NME7: variants seen among roughly 807,000 people sequenced by gnomAD.
The protein encoded by NME7 is nucleoside diphosphate kinase 7.
In NME7, 41 loss-of-function variants were observed where a neutral mutation model predicts 49.1. That is an observed-to-expected ratio of 0.83 (90% CI 0.65 to 1.08). NME7 has a LOEUF of 1.08. Ranked by LOEUF, NME7 falls within the 50% of genes least tolerant of loss-of-function variation. The probability of loss-of-function intolerance (pLI) is 0.00; values close to 1 mark genes in which losing one functional copy is unlikely to be tolerated. For missense variants in NME7, 423 were observed against 463.4 expected, an observed-to-expected ratio of 0.91 and a Z score of 0.80; for synonymous variants, 139 against 150.6, an observed-to-expected ratio of 0.92 and a Z score of 0.56.
chr1:169,339,514 AATG>A (rs1273411378), intron 1 of NME7, among the ~76,000 whole-genome samples: 22 of 152,360 alleles, frequency 1.4e-4, no homozygotes, highest in African/African-American at 5.3e-4. Context: ...CTAGAAATCA[AATG>A]ATAACACAGA....
chr1:169,355,254 T>G (rs568261338), intron 1 of NME7, among the ~76,000 whole-genome samples: 6 of 21,352 alleles, frequency 2.8e-4, no homozygotes, highest in African/African-American at 5.7e-4. Flanking sequence ...ATATATTATA[T>G]CTATATATAA....
At chr1:169,319,887 G>A (rs893612693) in intron 3 of NME7, among the ~76,000 whole-genome samples, 1 of 152,116 alleles carries the variant, frequency 6.6e-6, no homozygotes, top group African/African-American at 2.4e-5. Flanking sequence ...TAAATATGTG[G>A]CTCAGTACTT....
intron 6 of NME7, among the ~76,000 whole-genome samples, chr1:169,294,097 A>G (rs972124120): frequency 2.0e-5 from 3 of 152,176 alleles, no homozygotes; most frequent in African/African-American, 7.2e-5. Context: ...ATTAATAATA[A>G]AAGATAACAT....
chr1:169,142,626 T>C (rs1658628958), intron 11 of NME7, among the ~76,000 whole-genome samples: 1 of 152,244 alleles, frequency 6.6e-6, no homozygotes, highest in Admixed American at 6.5e-5. Context: ...AGTAATGTTC[T>C]ATACACTAAG....
At chr1:169,311,551 T>A (rs1651392043) in intron 3 of NME7, among the ~76,000 whole-genome samples, 1 of 152,194 alleles carries the variant, frequency 6.6e-6, no homozygotes, top group African/African-American at 2.4e-5. Flanking sequence ...CAGATAATGT[T>A]TTTCTTTATT....
chr1:169,204,334 C>A (rs1260469576), intron 10 of NME7, among the ~76,000 whole-genome samples: 1 of 151,492 alleles, frequency 6.6e-6, no homozygotes, highest in Non-Finnish European at 1.5e-5. Flanking sequence ...TTACTTTGAT[C>A]ACATGACAGT....
intron 10 of NME7, among the ~76,000 whole-genome samples, chr1:169,173,076 T>A (rs1343519110): frequency 6.6e-6 from 1 of 152,206 alleles, no homozygotes; most frequent in East Asian, 1.9e-4. Context: ...GGGTGGGGGC[T>A]GTGGAAAAAG....
chr1:169,367,625 T>C (rs1362671801), intron 1 of NME7, 83 bp downstream of exon 1: 4 of 1,537,834 alleles, frequency 2.6e-6, no homozygotes, highest in African/African-American at 2.7e-5. Context: ...CCGGACAACT[T>C]TAAGTGCCCA....
chr1:169,345,668 AAT>A (rs1369762833), intron 1 of NME7, among the ~76,000 whole-genome samples: 1 of 152,132 alleles, frequency 6.6e-6, no homozygotes, highest in Admixed American at 6.5e-5. Flanking sequence ...TTGGACCCTT[AAT>A]CTTTAGCTAC....
rs1046337361 is a variant in NME7, at chr1:169,262,332, T to C, written c.755-24645A>G. Among the ~76,000 whole-genome samples the C allele has an allele frequency of 2.2e-5, 3 of 134,576 alleles. 1 individual carries two copies. Among genetic ancestry groups the C allele is most frequent in the Non-Finnish European group, 5.2e-5 (3 of 57,168 alleles). The allele number at this position is 134,576 out of a possible 152,430, so 88.3% of individuals were successfully genotyped here. On this transcript the variant is annotated intron_variant, in intron 7 of 11. Transcript: ENST00000367811. ...TCAAGCAAGGCATAGCACAGAAGAA[T>C]CATCAATTGATAACCCACAGAATTG... is the stretch of plus-strand genomic sequence containing the variant.
At chr1:169,140,715 C>G (rs1658566820) in intron 11 of NME7, among the ~76,000 whole-genome samples, 1 of 130,668 alleles carries the variant, frequency 7.7e-6, no homozygotes, top group Non-Finnish European at 1.6e-5. Context: ...TGACAGGGAA[C>G]AGTCTATCCT....
chr1:169,299,817 C>T (rs887580897), intron 5 of NME7, among the ~76,000 whole-genome samples: 22 of 152,044 alleles, frequency 1.4e-4, no homozygotes, highest in African/African-American at 5.3e-4. Context: ...ACATTTTCTG[C>T]CAGACCTTTG....
At chr1:169,227,266 G>A (rs140900215) in intron 10 of NME7, among the ~76,000 whole-genome samples, 5 of 152,264 alleles carry the variant, frequency 3.3e-5, no homozygotes, top group Non-Finnish European at 7.4e-5. Context: ...TAAAGAGCTT[G>A]CTGTAGCCCC....
intron 1 of NME7, among the ~76,000 whole-genome samples, chr1:169,330,664 C>G (rs1416530783): frequency 1.3e-5 from 2 of 151,938 alleles, no homozygotes; most frequent in Admixed American, 1.3e-4. Flanking sequence ...GGTGACAGAG[C>G]AAGACTCTGT....
chr1:169,279,854 C>T (rs938740955), intron 7 of NME7, among the ~76,000 whole-genome samples: 2 of 151,942 alleles, frequency 1.3e-5, no homozygotes, highest in Non-Finnish European at 2.9e-5. Flanking sequence ...TTTCTTAATT[C>T]GTCTATCATT....
At chr1:169,233,284 G>A (rs929672768) in intron 9 of NME7, among the ~76,000 whole-genome samples, 3 of 152,150 alleles carry the variant, frequency 2.0e-5, no homozygotes, top group Non-Finnish European at 4.4e-5. Flanking sequence ...CAAGAAAAAT[G>A]CCTCTCATAG....
chr1:169,347,831 A>G (rs1571409913), intron 1 of NME7, among the ~76,000 whole-genome samples: 1 of 152,200 alleles, frequency 6.6e-6, no homozygotes, highest in African/African-American at 2.4e-5. Flanking sequence ...GCAATGTCCT[A>G]TATGTAGTAT....
At chr1:169,238,927 C>A (rs1647972930) in intron 7 of NME7, among the ~76,000 whole-genome samples, 2 of 151,896 alleles carry the variant, frequency 1.3e-5, no homozygotes, top group Admixed American at 1.3e-4. Flanking sequence ...TACGAATTTG[C>A]AAATTATTTT....
chr1:169,364,812 A>G (rs776863803), intron 1 of NME7, among the ~76,000 whole-genome samples: 5 of 152,214 alleles, frequency 3.3e-5, no homozygotes, highest in Admixed American at 6.5e-5. Flanking sequence ...AGGGACTAAA[A>G]CAGCCTTGTA....
Sources: allele counts gnomAD v4.1 joint callset (sites outside exome capture counted in the v4.1 genomes callset), GRCh38; gene constraint gnomAD v4.1.1; transcripts MANE v1.5; gene names NCBI Gene and HGNC (gene_info 2026-07-23, HGNC 2026-07-21).